Variants in OPCML observed in about 807,000 individuals in gnomAD.
The protein encoded by OPCML is opioid binding protein/cell adhesion molecule like.
A neutral mutation model predicts 37.8 loss-of-function variants in OPCML; 13 were observed. The ratio of observed to expected loss-of-function variants is 0.34; its 90% CI spans 0.22 to 0.55. The LOEUF (loss-of-function observed/expected upper bound fraction) is 0.55. Among genes scored for constraint, OPCML ranks in the 20% least tolerant of loss-of-function variants. The pLI is 0.91. For synonymous variants in OPCML, 176 were observed against 168.8 expected, an observed-to-expected ratio of 1.04 and a Z score of -0.33; for missense variants, 341 against 435.6, an observed-to-expected ratio of 0.78 and a Z score of 1.93.
chr11:133,248,132 G>T (rs983867717), intron 1 of OPCML, among the ~76,000 whole-genome samples: 1 of 152,184 alleles, frequency 6.6e-6, no homozygotes, highest in African/African-American at 2.4e-5. Flanking sequence ...TTATTCAGTG[G>T]ATTATGAAGC....
chr11:133,358,596 T>C (rs1399160953), intron 1 of OPCML, among the ~76,000 whole-genome samples: 1 of 152,196 alleles, frequency 6.6e-6, no homozygotes, highest in African/African-American at 2.4e-5. Context: ...AGCAGTGTAG[T>C]TGACAGAGGT....
At chr11:132,794,840 T>C (rs776683647) in intron 2 of OPCML, among the ~76,000 whole-genome samples, 1 of 151,300 alleles carries the variant, frequency 6.6e-6, no homozygotes, top group Non-Finnish European at 1.5e-5. Context: ...TTATACAACT[T>C]AAAATGAGTG....
chr11:133,438,258 T>TA, intron 1 of OPCML, among the ~76,000 whole-genome samples: 1 of 152,284 alleles, frequency 6.6e-6, no homozygotes. Flanking sequence ...ACAGAATTGT[T>TA]AAAATTGTTA....
chr11:132,557,509 A>G (rs2096398493), intron 3 of OPCML, among the ~76,000 whole-genome samples: 1 of 152,170 alleles, frequency 6.6e-6, no homozygotes, highest in African/African-American at 2.4e-5. Context: ...TGATATCTTT[A>G]GTGGGCTGTC....
At chr11:132,785,451 G>A (rs1947177340) in intron 2 of OPCML, among the ~76,000 whole-genome samples, 1 of 152,150 alleles carries the variant, frequency 6.6e-6, no homozygotes, top group Admixed American at 6.5e-5. Flanking sequence ...AAGAGGAGGA[G>A]CCTAGAAGAA....
chr11:132,563,328 A>G (rs1394395669), intron 3 of OPCML, among the ~76,000 whole-genome samples: 1 of 152,078 alleles, frequency 6.6e-6, no homozygotes, highest in Non-Finnish European at 1.5e-5. Context: ...TAAAGACTCC[A>G]TGTTAAATTT....
chr11:133,280,743 A>T (rs1411939344), intron 1 of OPCML, among the ~76,000 whole-genome samples: 1 of 152,240 alleles, frequency 6.6e-6, no homozygotes, highest in Non-Finnish European at 1.5e-5. Context: ...TTGCATAAAA[A>T]CAATGAGGCC....
chr11:132,923,608 T>G (rs570155807), intron 2 of OPCML, among the ~76,000 whole-genome samples: 39 of 152,292 alleles, frequency 2.6e-4, no homozygotes, highest in East Asian at 1.2e-3. Context: ...ATTTCCATTT[T>G]TGTTATGGTC....
chr11:133,399,865 T>TTA (rs1491248196), intron 1 of OPCML, among the ~76,000 whole-genome samples: 7 of 148,504 alleles, frequency 4.7e-5, no homozygotes, highest in Admixed American at 6.8e-5. Context: ...TATATATATA[T>TTA]TATATATATA....
At chr11:132,709,022 G>T (rs191429200) in intron 2 of OPCML, among the ~76,000 whole-genome samples, 2 of 152,094 alleles carry the variant, frequency 1.3e-5, no homozygotes, top group East Asian at 1.9e-4. Context: ...AGAAAGGCAG[G>T]TATTTAATAA....
chr11:132,663,918 C>T (rs1283624445), intron 2 of OPCML, among the ~76,000 whole-genome samples: 3 of 152,086 alleles, frequency 2.0e-5, no homozygotes, highest in Admixed American at 1.3e-4. Flanking sequence ...CTGCAAGCTC[C>T]GCCTCCCGGG....
chr11:133,520,839 C>T (rs7108751), intron 1 of OPCML, among the ~76,000 whole-genome samples: 63,594 of 151,992 alleles, frequency 0.42, 18,246 homozygotes, highest in African/African-American at 0.81. Flanking sequence ...GCAAAGTCCA[C>T]GTTCTCTGGC....
At chr11:132,725,856 A>G (rs1238562818) in intron 2 of OPCML, among the ~76,000 whole-genome samples, 1 of 152,130 alleles carries the variant, frequency 6.6e-6, no homozygotes, top group Non-Finnish European at 1.5e-5. Flanking sequence ...AGTTCCACAA[A>G]TCTCTTAGGC....
rs562820386 is a variant in OPCML, at chr11:133,083,300, C to T, written c.62-140290G>A. ...CGCGCTGTGGTCTCACTCCCAGACC[C>T]GACCCCTCTGAGCTGCCCCTCTCCG... is the stretch of plus-strand genomic sequence containing the variant. On this transcript the variant is annotated intron_variant, in intron 1 of 7. Transcript: ENST00000524381. 1.3e-4 allele frequency among the ~76,000 whole-genome samples: 20 copies of T among 152,280 alleles called. No homozygotes were observed. In the South Asian group the frequency reaches 3.5e-3, roughly 27 times the overall value.
intron 1 of OPCML, among the ~76,000 whole-genome samples, chr11:133,132,949 G>A (rs546154388): frequency 2.1e-3 from 319 of 152,146 alleles, no homozygotes; most frequent in Non-Finnish European, 2.4e-3. Context: ...GGCCAGTGGC[G>A]TTAGGGCTGG....
intron 3 of OPCML, among the ~76,000 whole-genome samples, chr11:132,555,035 A>G (rs1399766734): frequency 2.0e-5 from 3 of 152,082 alleles, no homozygotes; most frequent in African/African-American, 7.2e-5. Context: ...CAAGAGATCC[A>G]TGGGAAAATG....
At chr11:132,463,366 G>A (rs2096109230) in intron 4 of OPCML, among the ~76,000 whole-genome samples, 1 of 152,184 alleles carries the variant, frequency 6.6e-6, no homozygotes, top group South Asian at 2.1e-4. Flanking sequence ...ACCTAGAGTG[G>A]GCGCCTGGAC....
intron 1 of OPCML, chr11:133,005,261 G>C (rs1419861132): frequency 5.0e-5 from 49 of 985,396 alleles, no homozygotes; most frequent in Non-Finnish European, 5.8e-5. Context: ...TGGAAAAAGT[G>C]CATGAATGAA....
chr11:133,000,726 G>GA (rs1229847276), intron 1 of OPCML, among the ~76,000 whole-genome samples: 5 of 152,110 alleles, frequency 3.3e-5, no homozygotes, highest in African/African-American at 9.7e-5. Flanking sequence ...ATGTTCCTGG[G>GA]AAAAAAATAA....
Sources: allele counts gnomAD v4.1 joint callset (sites outside exome capture counted in the v4.1 genomes callset), GRCh38; gene constraint gnomAD v4.1.1; transcripts MANE v1.5; gene names NCBI Gene and HGNC (gene_info 2026-07-23, HGNC 2026-07-21).